The following ZNF850 variants were observed in gnomAD, a reference collection of about 807,000 sequenced individuals.
ZNF850 encodes the protein putative zinc finger protein ENSP00000330994.
Under a neutral mutation model 11.9 loss-of-function variants are expected in ZNF850, and 2 were observed. That is an observed-to-expected ratio of 0.17 (90% CI 0.07 to 0.53). ZNF850 has a LOEUF of 0.53. Among genes scored for constraint, ZNF850 ranks in the 20% least tolerant of loss-of-function variants. The probability of loss-of-function intolerance (pLI) is 0.94; values close to 1 mark genes in which losing one functional copy is unlikely to be tolerated. For missense variants in ZNF850, 1,014 were observed against 1,316.4 expected, an observed-to-expected ratio of 0.77 and a Z score of 3.55; for synonymous variants, 381 against 443.0, an observed-to-expected ratio of 0.86 and a Z score of 1.76.
intron 4 of ZNF850, among the ~76,000 whole-genome samples, chr19:36,757,794 G>A (rs1481678216): frequency 1.3e-5 from 2 of 151,934 alleles, no homozygotes; most frequent in Admixed American, 1.3e-4. Flanking sequence ...CCAAAGTGCT[G>A]GGATTTACAG....
Position 36,750,808 on chromosome 19 carries a change from A to C in ZNF850, c.236-4T>G. ...GTCTTACATCTAAACTCCGAGTCTG[A>C]AAAATAACCAGAAAGCAAAAACATA... is the stretch of plus-strand genomic sequence containing the variant. On this transcript the variant is annotated splice_polypyrimidine_tract_variant and splice_region_variant and intron_variant, in intron 4 of 4. Transcript: ENST00000591344. The C allele has an allele frequency of 1.3e-6, 2 of 1,487,168 alleles. No individual in the cohort carries two copies. Among genetic ancestry groups the C allele is most frequent in the Non-Finnish European group, 1.8e-6 (2 of 1,124,700 alleles). The allele number at this position is 1,487,168 out of a possible 1,614,324, so 92.1% of individuals were successfully genotyped here.
In ZNF850 at chr19:36,762,743, A is replaced by T. The variant is rs2040526771; in HGVS notation, c.-69-68T>A. On this transcript the variant is annotated intron_variant, in intron 1 of 4. Coordinates refer to ENST00000591344, the MANE Select transcript of ZNF850 (RefSeq NM_001193552.2). The stretch of plus-strand genomic sequence containing the variant: ...AATGAACTAGAGTACAAAAGCACAC[A>T]GCAAGCTGTAGGCCTAGCAAAGCTG... 6.9e-6 allele frequency: 6 copies of T among 871,616 alleles called. No homozygotes were observed. The Middle Eastern group carries it at 6.6e-4, about 96-fold the overall frequency. The allele number at this position is 871,616 out of a possible 1,614,324, so 54.0% of individuals were successfully genotyped here. A position where few individuals can be genotyped will look rare whatever the true frequency, so the allele number is the denominator to read the frequency against.
intron 1 of ZNF850, among the ~76,000 whole-genome samples, chr19:36,764,309 G>T (rs1386491289): frequency 6.6e-6 from 1 of 152,060 alleles, no homozygotes; most frequent in Admixed American, 6.6e-5. Flanking sequence ...CTGCACACAG[G>T]TCAGACAAAA....
chr19:36,745,821 C>T lies in ZNF850; in HGVS notation c.*1946G>A, dbSNP rs1279249987. 6.6e-6 allele frequency: 1 copy of T among 152,350 alleles called. No individual in the cohort carries two copies. Among genetic ancestry groups the T allele is most frequent in the African/African-American group, 2.4e-5 (1 of 41,418 alleles). 9.4% of individuals were successfully genotyped at this position (152,350 alleles called of 1,614,324 possible). On this transcript the variant is annotated 3_prime_UTR_variant, in exon 5 of 5. Transcript: ENST00000591344. ...TTGCTTGAAGACAGGAATTCAAGAC[C>T]AGCCTGGGTAACAAAGCAAGACTCC...
intron 4 of ZNF850, among the ~76,000 whole-genome samples, chr19:36,751,453 C>G (rs1298648472): frequency 1.1e-4 from 17 of 152,000 alleles, no homozygotes; most frequent in Admixed American, 9.2e-4. Flanking sequence ...ATAATCCCAG[C>G]ACTTTGGGAG....
At chr19:36,767,367 G>A (rs1029382966) in intron 1 of ZNF850, among the ~76,000 whole-genome samples, 6 of 152,002 alleles carry the variant, frequency 3.9e-5, no homozygotes, top group Non-Finnish European at 7.4e-5. Context: ...GACCAGCCTG[G>A]CCAACATGGC....
At chr19:36,766,318 A>G (rs2040549356) in intron 1 of ZNF850, among the ~76,000 whole-genome samples, 1 of 152,204 alleles carries the variant, frequency 6.6e-6, no homozygotes, top group Admixed American at 6.5e-5. Flanking sequence ...AAGATATGCA[A>G]TATTGAGGGA....
chr19:36,764,725 CTTTT>C lies in ZNF850; in HGVS notation c.-69-2054_-69-2051del, dbSNP rs35367899. Among the ~76,000 whole-genome samples, 185 of 126,788 alleles carry C rather than the reference CTTTT, an allele frequency of 1.5e-3. 1 individual carries two copies. The highest frequency in any genetic ancestry group is 5.4e-3 in the African/African-American group (173 of 32,332). 83.2% of individuals were successfully genotyped at this position (126,788 alleles called of 152,430 possible). A position where few individuals can be genotyped will look rare whatever the true frequency, so the allele number is the denominator to read the frequency against. ...TGTGATTTTCTTTTCTTTCCTTTCC[CTTTT>C]TTTTTTTTTTTTTTTTTGAAGCAGT... On this transcript the variant is annotated intron_variant, in intron 1 of 4. Transcript: ENST00000591344.
chr19:36,752,173 T>C (rs745384594), intron 4 of ZNF850, among the ~76,000 whole-genome samples: 2 of 152,186 alleles, frequency 1.3e-5, no homozygotes, highest in Non-Finnish European at 2.9e-5. Flanking sequence ...TCTTCATCCA[T>C]TGAAGCCTTA....
At position 36,748,625 on chromosome 19, in the gene ZNF850, T is replaced by G; in HGVS notation, c.2415A>C (p.Pro805=). ...GATAAGGTTTCTCACCAGTGTGAAGTGGCTGATGTTGAATTAGTGTTGAAT... is the reference window on the plus strand; with the variant it reads ...GATAAGGTTTCTCACCAGTGTGAAGGGGCTGATGTTGAATTAGTGTTGAAT... The part of the protein sequence containing the change: ...TSHSTLIQHQ[P]LHTGEKPYHC... The change falls in exon 5 of 5, where the codon CCA becomes CCC. Residue 805 remains proline, a synonymous_variant. Coordinates refer to ENST00000591344, the MANE Select transcript of ZNF850 (RefSeq NM_001193552.2). 6.5e-7 allele frequency: 1 copy of G among 1,537,264 alleles called. No individual in the cohort carries two copies. The highest frequency in any genetic ancestry group is 8.7e-7 in the Non-Finnish European group (1 of 1,146,940).
intron 4 of ZNF850, among the ~76,000 whole-genome samples, chr19:36,753,611 T>C (rs1207845436): frequency 6.7e-6 from 1 of 149,484 alleles, no homozygotes; most frequent in Non-Finnish European, 1.5e-5. Flanking sequence ...AAATTATGCA[T>C]GATGAAATCC....
rs561017301 is a variant in ZNF850 at position 36,769,186 on chromosome 19, C to G, written c.-70+3539G>C. ...TGAGACAGGAAGACTCACTTGAACC[C>G]GGCAGGCGGAGGCTGCAGTGAGCTG... On this transcript the variant is annotated intron_variant, in intron 1 of 4. Transcript: ENST00000591344. 1.1e-4 allele frequency among the ~76,000 whole-genome samples: 16 copies of G among 146,826 alleles called. No homozygotes were observed. The South Asian group carries it at 3.5e-3, about 32-fold the overall frequency.
Position 36,743,690 on chromosome 19 carries a change from T to G in ZNF850, c.*4077A>C, listed in dbSNP as rs113376158. ...TATTATAAACAAAAGCCATTAAGTA[T>G]CTAGAAATAAGTAAAACAAGAAATG... On this transcript the variant is annotated 3_prime_UTR_variant, in exon 5 of 5. Coordinates refer to ENST00000591344, the MANE Select transcript of ZNF850 (RefSeq NM_001193552.2). 9.9e-5 allele frequency: 15 copies of G among 152,096 alleles called. No homozygotes were observed. Among genetic ancestry groups the G allele is most frequent in the Non-Finnish European group, 1.9e-4 (13 of 67,988 alleles). The allele number at this position is 152,096 out of a possible 1,614,324, so 9.4% of individuals were successfully genotyped here.
chr19:36,759,525 T>G (rs945827453), intron 4 of ZNF850, among the ~76,000 whole-genome samples: 2 of 152,204 alleles, frequency 1.3e-5, no homozygotes, highest in Non-Finnish European at 1.5e-5. Flanking sequence ...CATTTAATAT[T>G]ATTGAACTCA....
In ZNF850 at chr19:36,747,573, T is replaced by C; in HGVS notation, c.*194A>G. On this transcript the variant is annotated 3_prime_UTR_variant, in exon 5 of 5. Transcript: ENST00000591344. ...ATGGCATGAACCCAGGAGGCAGAGCTTGCAGTGAGCCGAGATAGCGCCACT... is the reference window on the plus strand; with the variant it reads ...ATGGCATGAACCCAGGAGGCAGAGCCTGCAGTGAGCCGAGATAGCGCCACT... 2.0e-6 allele frequency: 1 copy of C among 489,390 alleles called. No individual in the cohort carries two copies. The highest frequency in any genetic ancestry group is 3.5e-6 in the Non-Finnish European group (1 of 287,538). The allele number at this position is 489,390 out of a possible 1,614,324, so 30.3% of individuals were successfully genotyped here. A position where few individuals can be genotyped will look rare whatever the true frequency, so the allele number is the denominator to read the frequency against.
chr19:36,753,643 C>CAGG (rs997865915), intron 4 of ZNF850, among the ~76,000 whole-genome samples: 37 of 150,136 alleles, frequency 2.5e-4, no homozygotes, highest in African/African-American at 3.9e-4. Context: ...ACAAAATGGA[C>CAGG]AGGAAAAAAA....
At chr19:36,752,511 G>A (rs1471420832) in intron 4 of ZNF850, among the ~76,000 whole-genome samples, 1 of 152,254 alleles carries the variant, frequency 6.6e-6, no homozygotes, top group Non-Finnish European at 1.5e-5. Flanking sequence ...TTAAATCTGT[G>A]TGTTCATAAG....
At chr19:36,752,874 G>GCA (rs1423320305) in intron 4 of ZNF850, among the ~76,000 whole-genome samples, 1 of 152,142 alleles carries the variant, frequency 6.6e-6, no homozygotes, top group Non-Finnish European at 1.5e-5. Context: ...AGAACAGGGA[G>GCA]CAAACTATAT....
intron 4 of ZNF850, among the ~76,000 whole-genome samples, chr19:36,756,085 T>C (rs1285571902): frequency 2.6e-5 from 4 of 152,212 alleles, no homozygotes; most frequent in South Asian, 2.1e-4. Flanking sequence ...TTTGTGTTTT[T>C]AGTAGAGACG....
Sources: gnomAD v4.1 joint callset for allele counts (sites outside exome capture counted in the v4.1 genomes callset) on GRCh38, gnomAD v4.1.1 for gene constraint, MANE v1.5 for transcripts, NCBI Gene and HGNC (gene_info 2026-07-23, HGNC 2026-07-21) for gene names.